The following ITCH variants were observed in gnomAD, a reference collection of about 807,000 sequenced individuals.
The protein encoded by ITCH is E3 ubiquitin-protein ligase Itchy homolog.
A neutral mutation model predicts 126.8 loss-of-function variants in ITCH; 28 were observed. The observed-to-expected ratio is 0.22, with a 90% CI of 0.16 to 0.30. The LOEUF (loss-of-function observed/expected upper bound fraction) is 0.30. ITCH is among the 10% of genes least tolerant of loss of function. ITCH has a pLI of 1.00. For missense variants in ITCH, 631 were observed against 1,032.4 expected, an observed-to-expected ratio of 0.61 and a Z score of 5.33; for synonymous variants, 342 against 340.0, an observed-to-expected ratio of 1.01 and a Z score of -0.06.
At chr20:34,371,925 A>G (rs887983535) in intron 2 of ITCH, among the ~76,000 whole-genome samples, 8 of 152,136 alleles carry the variant, frequency 5.3e-5, no homozygotes, top group Non-Finnish European at 1.0e-4. Context: ...AGCTCACTCT[A>G]TTATATTCTG....
intron 20 of ITCH, among the ~76,000 whole-genome samples, chr20:34,488,531 A>T (rs1412925793): frequency 6.6e-6 from 1 of 151,990 alleles, no homozygotes; most frequent in East Asian, 1.9e-4. Context: ...GGCCAACATG[A>T]TGAAACCCCC....
intron 2 of ITCH, among the ~76,000 whole-genome samples, chr20:34,372,301 A>C: frequency 9.3e-6 from 1 of 107,786 alleles, no homozygotes; most frequent in Non-Finnish European, 1.8e-5. Context: ...TGACAGAGGG[A>C]TACTTTGTCT....
chr20:34,466,099 C>G (rs1347747256), intron 14 of ITCH, among the ~76,000 whole-genome samples: 1 of 152,042 alleles, frequency 6.6e-6, no homozygotes, highest in Non-Finnish European at 1.5e-5. Flanking sequence ...TGTTTCCTAT[C>G]CCTGTTGTGG....
At chr20:34,398,547 C>T (rs1391932315) in intron 3 of ITCH, among the ~76,000 whole-genome samples, 10 of 151,878 alleles carry the variant, frequency 6.6e-5, no homozygotes, top group African/African-American at 1.7e-4. Flanking sequence ...TACAGGCACC[C>T]GCCACTATGC....
At chr20:34,481,707 T>A (rs898392282) in intron 20 of ITCH, among the ~76,000 whole-genome samples, 28 of 152,230 alleles carry the variant, frequency 1.8e-4, no homozygotes, top group African/African-American at 6.5e-4. Flanking sequence ...CAGGGAAAAC[T>A]CCTGTTTTTA....
In ITCH at chr20:34,492,563, C is replaced by T. The variant is rs759646524; in HGVS notation, c.2382C>T (p.Cys794=). 6.2e-7 allele frequency: 1 copy of T among 1,612,634 alleles called. No individual in the cohort carries two copies. The highest frequency in any genetic ancestry group is 1.1e-5 in the South Asian group (1 of 91,034). Residue 794 remains cysteine (C), a synonymous_variant, in exon 23 of 25, where the codon TGC becomes TGT. Transcript: ENST00000374864. ...MRLLQFVTGT[C]RLPVGGFADL... is the part of the protein sequence containing the mutation. The stretch of plus-strand genomic sequence containing the variant: ...TTCTGCAGTTTGTTACTGGAACCTG[C>T]CGATTGCCAGTAGGAGGATTTGCTG...
chr20:34,455,602 A>G (rs1985812478), intron 12 of ITCH, among the ~76,000 whole-genome samples: 1 of 150,698 alleles, frequency 6.6e-6, no homozygotes, highest in South Asian at 2.1e-4. Context: ...TGCTGGGACT[A>G]CAGGTGCACA....
intron 3 of ITCH, chr20:34,401,562 C>G: frequency 1.3e-6 from 1 of 772,494 alleles, no homozygotes; most frequent in East Asian, 1.3e-4. Context: ...AACTAACTTT[C>G]TAAAAGGAGT....
At chr20:34,378,141 T>G (rs1228343384) in intron 2 of ITCH, among the ~76,000 whole-genome samples, 1 of 152,014 alleles carries the variant, frequency 6.6e-6, no homozygotes, top group Non-Finnish European at 1.5e-5. Context: ...GTGTTAGGTA[T>G]AGTCTGAGTA....
chr20:34,425,939 T>C (rs1981454147), intron 7 of ITCH, among the ~76,000 whole-genome samples: 2 of 152,232 alleles, frequency 1.3e-5, no homozygotes, highest in Admixed American at 1.3e-4. Flanking sequence ...TCTCAGTCTC[T>C]CGTCTCCACC....
At chr20:34,369,339 A>AACAG in intron 1 of ITCH, 55 bp from the exon 2 acceptor site, 1 of 396,970 alleles carries the variant, frequency 2.5e-6, no homozygotes. Flanking sequence ...CTCAAAAACA[A>AACAG]ACAAACAAAA....
At chr20:34,464,547 G>A (rs565081437) in intron 14 of ITCH, among the ~76,000 whole-genome samples, 4 of 151,350 alleles carry the variant, frequency 2.6e-5, no homozygotes, top group East Asian at 3.9e-4. Context: ...GGCTGATCTC[G>A]AACTCCCGAC....
chr20:34,414,457 CT>C (rs770240058), intron 6 of ITCH, among the ~76,000 whole-genome samples: 27,642 of 70,546 alleles, frequency 0.39, 4,360 homozygotes, highest in Admixed American at 0.47. Flanking sequence ...ACTTTAAATC[CT>C]TTTTTTTTTT....
chr20:34,402,146 TC>T, intron 3 of ITCH: 1 of 1,085,608 alleles, frequency 9.2e-7, no homozygotes. Flanking sequence ...GGAGAGATGT[TC>T]CTAGCAGCAC....
At chr20:34,482,482 A>G (rs948364610) in intron 20 of ITCH, among the ~76,000 whole-genome samples, 1 of 152,216 alleles carries the variant, frequency 6.6e-6, no homozygotes, top group Non-Finnish European at 1.5e-5. Context: ...TACAGGCCCC[A>G]TGCAAGTTTG....
At chr20:34,442,010 T>G (rs1983822823) in intron 9 of ITCH, 198 bp from the exon 10 acceptor site, 2 of 600,196 alleles carry the variant, frequency 3.3e-6, no homozygotes, top group Admixed American at 5.2e-5. Flanking sequence ...ATAGAAGAAA[T>G]TGAATTCACT....
rs1978469367 is a variant in ITCH, at chr20:34,508,952, A to G, written c.*1158A>G. On this transcript the variant is annotated 3_prime_UTR_variant, in exon 25 of 25. Transcript: ENST00000374864. ...TGGTACTGGCTAAAAAGAAAGGAAG[A>G]TAACATCCAGTAACCACAGGAATAT... 6.6e-6 allele frequency: 1 copy of G among 152,238 alleles called. No individual in the cohort carries two copies. The allele number at this position is 152,238 out of a possible 1,614,324, so 9.4% of individuals were successfully genotyped here. A position where few individuals can be genotyped will look rare whatever the true frequency, so the allele number is the denominator to read the frequency against.
intron 3 of ITCH, among the ~76,000 whole-genome samples, chr20:34,396,778 G>A (rs545592818): frequency 2.8e-4 from 43 of 152,158 alleles, no homozygotes; most frequent in Non-Finnish European, 5.6e-4. Context: ...GTCTGTTCAC[G>A]TCCTTTGTTT....
At chr20:34,434,963 T>C (rs913037925) in intron 7 of ITCH, among the ~76,000 whole-genome samples, 1 of 152,176 alleles carries the variant, frequency 6.6e-6, no homozygotes, top group African/African-American at 2.4e-5. Flanking sequence ...TTTTTTTCTA[T>C]CTTTTGCCTA....
Sources: gnomAD v4.1 joint callset for allele counts (sites outside exome capture counted in the v4.1 genomes callset) on GRCh38, gnomAD v4.1.1 for gene constraint, MANE v1.5 for transcripts, NCBI Gene and HGNC (gene_info 2026-07-23, HGNC 2026-07-21) for gene names.